The following GSPT1 variants were observed in gnomAD, a reference collection of about 807,000 sequenced individuals.
GSPT1 encodes G1 to S phase transition 1.
In GSPT1, 20 loss-of-function variants were observed where a neutral mutation model predicts 72.5. That is an observed-to-expected ratio of 0.28 (90% CI 0.19 to 0.40). The LOEUF (loss-of-function observed/expected upper bound fraction) is 0.40. Ranked by LOEUF, GSPT1 falls within the 10% of genes least tolerant of loss-of-function variation. GSPT1 has a pLI of 1.00. For missense variants in GSPT1, 580 were observed against 811.9 expected, an observed-to-expected ratio of 0.71 and a Z score of 3.47; for synonymous variants, 334 against 293.5, an observed-to-expected ratio of 1.14 and a Z score of -1.41.
Position 11,872,798 on chromosome 16 carries a change from AAAAT to A in GSPT1, c.*317_*320del, listed in dbSNP as rs1416021223. The A allele has an allele frequency of 4.1e-6, 1 of 246,614 alleles. No homozygotes were observed. The highest frequency in any genetic ancestry group is 7.7e-6 in the Non-Finnish European group (1 of 129,602). 15.3% of individuals were successfully genotyped at this position (246,614 alleles called of 1,614,324 possible). On this transcript the variant is annotated 3_prime_UTR_variant, in exon 15 of 15. Transcript: ENST00000434724. ...CTAAATATGCCTAAGGGGAAAATGA[AAAAT>A]AAAAAAATTCCTGTAGGTTTTCATT...
At chr16:11,893,921 G>A (rs1444766142) in intron 5 of GSPT1, among the ~76,000 whole-genome samples, 1 of 151,938 alleles carries the variant, frequency 6.6e-6, no homozygotes, top group Non-Finnish European at 1.5e-5. Flanking sequence ...GGAGGCAGTA[G>A]AGGTGGGCAG....
chr16:11,915,676 G>A lies in GSPT1; in HGVS notation c.45C>T (p.Gly15=). 3.7e-6 allele frequency: 3 copies of A among 803,758 alleles called. No individual in the cohort carries two copies. The highest frequency in any genetic ancestry group is 6.1e-5 in the East Asian group (1 of 16,386). 49.8% of individuals were successfully genotyped at this position (803,758 alleles called of 1,614,324 possible). A position where few individuals can be genotyped will look rare whatever the true frequency, so the allele number is the denominator to read the frequency against. The change falls in exon 1 of 15, where the codon GGC becomes GGT. Residue 15 remains glycine, a synonymous_variant. Transcript: ENST00000434724. ...TGCTGCTGCTGCCGCTGCTGCTCCC[G>A]CCGCCGCCGCCGCCGCCGCCGCCGC... ...SGGGGGGGGG[G]GSSSGSSSSD...
chr16:11,890,107 C>T (rs965649851), intron 6 of GSPT1, among the ~76,000 whole-genome samples: 19 of 151,740 alleles, frequency 1.3e-4, no homozygotes, highest in African/African-American at 4.6e-4. Context: ...ACTACAGGTG[C>T]CTGCCACCTT....
intron 7 of GSPT1, 62 bp downstream of exon 7, chr16:11,887,508 A>G (rs1469205335): frequency 3.0e-6 from 4 of 1,347,972 alleles, no homozygotes; most frequent in Non-Finnish European, 4.2e-6. Flanking sequence ...ATAAATTCAA[A>G]TTTAAAGATA....
chr16:11,905,688 A>G (rs2054480131), intron 1 of GSPT1, among the ~76,000 whole-genome samples: 1 of 152,134 alleles, frequency 6.6e-6, no homozygotes, highest in South Asian at 2.1e-4. Context: ...ATTAAAAATT[A>G]GCTGGGTCTG....
chr16:11,897,171 T>A (rs978423509), intron 3 of GSPT1, among the ~76,000 whole-genome samples: 1 of 152,218 alleles, frequency 6.6e-6, no homozygotes, highest in African/African-American at 2.4e-5. Flanking sequence ...ATGAAAGGAT[T>A]TAGGAAATAT....
chr16:11,881,124 T>C (rs978559279), intron 11 of GSPT1: 1 of 152,276 alleles, frequency 6.6e-6, no homozygotes, highest in East Asian at 1.9e-4. Flanking sequence ...GGTCTCGAAC[T>C]CCTGACCTCG....
rs1161048022 is a variant in GSPT1 at position 11,877,380 on chromosome 16, C to T, written c.1602+27G>A. The T allele has an allele frequency of 6.7e-7, 1 of 1,502,020 alleles. No individual in the cohort carries two copies. The highest frequency in any genetic ancestry group is 2.1e-5 in the Admixed American group (1 of 47,032). 93.0% of individuals were successfully genotyped at this position (1,502,020 alleles called of 1,614,324 possible). On this transcript the variant is annotated intron_variant, in intron 12 of 14. Transcript: ENST00000434724. The surrounding 1 kb of genome is among the most constrained non-coding windows in gnomAD (Gnocchi z 4.0). ...AATTTCATTTAGACATTAAAACCCA[C>T]TATGACAACAACAATAATTTGTTTA...
intron 1 of GSPT1, among the ~76,000 whole-genome samples, chr16:11,899,318 C>T (rs1427589465): frequency 6.6e-6 from 1 of 151,406 alleles, no homozygotes; most frequent in Non-Finnish European, 1.5e-5. Flanking sequence ...TAAAGGACAA[C>T]CAAATTGTTT....
chr16:11,892,532 C>A (rs2110601), intron 5 of GSPT1, among the ~76,000 whole-genome samples: 11,040 of 95,126 alleles, frequency 0.12, 836 homozygotes, highest in African/African-American at 0.31. Context: ...ACAAAAAAAA[C>A]AAAAAATAAA....
upstream of GSPT1, chr16:11,916,075 C>T (rs1596481461): frequency 1.8e-6 from 1 of 541,104 alleles, no homozygotes. Context: ...CTGGCCGCCC[C>T]CGTTTCCGGC....
At chr16:11,890,952 G>A in intron 6 of GSPT1, 110 bp downstream of exon 6, 1 of 616,754 alleles carries the variant, frequency 1.6e-6, no homozygotes, top group East Asian at 3.1e-5. Context: ...TTCCTTTGTT[G>A]TGATACGATT....
rs971756452 is a variant in GSPT1 at position 11,891,830 on chromosome 16, G to A, written c.699-691C>T. Among the ~76,000 whole-genome samples, 6 of 149,776 alleles carry A rather than the reference G, an allele frequency of 4.0e-5. No individual in the cohort carries two copies. The East Asian group carries it at 1.2e-3, about 30-fold the overall frequency. On this transcript the variant is annotated intron_variant, in intron 5 of 14. Transcript: ENST00000434724. The stretch of plus-strand genomic sequence containing the variant: ...GGCGTGTGCCACCATGCCTGGCTAA[G>A]TTTTTGTATTTTTAGTAGAGACTGG...
chr16:11,914,496 G>A (rs1404361524), intron 1 of GSPT1, among the ~76,000 whole-genome samples: 3 of 152,204 alleles, frequency 2.0e-5, no homozygotes, highest in African/African-American at 7.2e-5. Context: ...AGACACGTGA[G>A]AACTATTAAA....
At chr16:11,900,194 G>C (rs1052535551) in intron 1 of GSPT1, among the ~76,000 whole-genome samples, 13 of 152,004 alleles carry the variant, frequency 8.6e-5, no homozygotes, top group African/African-American at 3.1e-4. Flanking sequence ...CAATTAGCTG[G>C]GTGTGGCATA....
In GSPT1 at chr16:11,915,391, G is replaced by A. The variant is rs1463685522; in HGVS notation, c.330C>T (p.Gly110=). 8 of 1,497,940 alleles carry A rather than the reference G, an allele frequency of 5.3e-6. No individual in the cohort carries two copies. The highest frequency in any genetic ancestry group is 7.1e-6 in the Non-Finnish European group (8 of 1,128,562). The allele number at this position is 1,497,940 out of a possible 1,614,324, so 92.8% of individuals were successfully genotyped here. Reference sequence around the variant, plus strand: ...TACCCGCACGGCCTCCCGCGCCGCTGCCGGCTCCGTGGTTATTGGCGGCGC... The same window carrying A: ...TACCCGCACGGCCTCCCGCGCCGCTACCGGCTCCGTGGTTATTGGCGGCGC... ...VGGAANNHGA[G]SGAGGRAAPV... is the part of the protein sequence containing the mutation. Residue 110 remains glycine (G), a synonymous_variant, in exon 1 of 15, where the codon GGC becomes GGT. Coordinates refer to ENST00000434724, the MANE Select transcript of GSPT1 (RefSeq NM_002094.4).
chr16:11,911,153 A>T (rs2054552103), intron 1 of GSPT1, among the ~76,000 whole-genome samples: 1 of 152,210 alleles, frequency 6.6e-6, no homozygotes, highest in Admixed American at 6.5e-5. Flanking sequence ...CAAATACAGA[A>T]TCTTACCTAT....
At chr16:11,893,892 C>G (rs954772334) in intron 5 of GSPT1, among the ~76,000 whole-genome samples, 1 of 151,876 alleles carries the variant, frequency 6.6e-6, no homozygotes, top group Admixed American at 6.6e-5. Context: ...GTTAATCACA[C>G]CTGTATGCCA....
intron 1 of GSPT1, among the ~76,000 whole-genome samples, chr16:11,900,275 G>A (rs1034808895): frequency 1.3e-5 from 2 of 151,166 alleles, no homozygotes; most frequent in African/African-American, 4.9e-5. Context: ...GGAGGTTGCA[G>A]TGAGCCAAGA....
Sources: gnomAD v4.1 joint callset for allele counts (sites outside exome capture counted in the v4.1 genomes callset) on GRCh38, gnomAD v4.1.1 for gene constraint, Gnocchi (gnomAD v3.1) non-coding constraint, MANE v1.5 for transcripts, NCBI Gene and HGNC (gene_info 2026-07-23, HGNC 2026-07-21) for gene names.